The following TYW1 variants were observed in gnomAD, a reference collection of about 807,000 sequenced individuals.
TYW1 encodes the protein tRNA-yW synthesizing protein 1 homolog, also known as S-adenosyl-L-methionine-dependent tRNA 4-demethylwyosine synthase TYW1.
In TYW1, 46 loss-of-function variants were observed where a neutral mutation model predicts 96.2. The ratio of observed to expected loss-of-function variants is 0.48; its 90% CI spans 0.38 to 0.61. TYW1 has a LOEUF of 0.61. Ranked by LOEUF, TYW1 falls within the 20% of genes least tolerant of loss-of-function variation. TYW1 has a pLI of 0.00. For missense variants in TYW1, 684 were observed against 909.6 expected, an observed-to-expected ratio of 0.75 and a Z score of 3.19; for synonymous variants, 274 against 323.0, an observed-to-expected ratio of 0.85 and a Z score of 1.63.
At chr7:67,000,885 A>G (rs1460490758) in intron 3 of TYW1, among the ~76,000 whole-genome samples, 1 of 152,150 alleles carries the variant, frequency 6.6e-6, no homozygotes, top group African/African-American at 2.4e-5. Context: ...GCAGAATAGT[A>G]CTTCTTAGGT....
At chr7:67,191,609 A>G (rs1269856446) in intron 14 of TYW1, among the ~76,000 whole-genome samples, 2 of 146,700 alleles carry the variant, frequency 1.4e-5, no homozygotes, top group Non-Finnish European at 3.0e-5. Flanking sequence ...TATGAAGGGA[A>G]AGTTTTTTAG....
chr7:67,071,960 C>T (rs1260354087), intron 10 of TYW1, among the ~76,000 whole-genome samples: 1 of 150,672 alleles, frequency 6.6e-6, no homozygotes, highest in East Asian at 1.9e-4. Context: ...CCATTTACAA[C>T]TCTGCCTTAG....
In TYW1 at chr7:67,150,789, T is replaced by TC. The variant is rs1286104264; in HGVS notation, c.1699-32331dup. Among the ~76,000 whole-genome samples, 9 of 150,992 alleles carry TC rather than the reference T, an allele frequency of 6.0e-5. No homozygotes were observed. The East Asian group carries it at 1.7e-3, about 29-fold the overall frequency. On this transcript the variant is annotated intron_variant, in intron 13 of 15. Coordinates refer to ENST00000359626, the MANE Select transcript of TYW1 (RefSeq NM_018264.4). ...GTAAATACAGGCCTTGTCTTTTTTT[T>TC]CCCCCCTGTCTGACCCATGACTGAG...
chr7:67,176,368 A>G (rs931754800), intron 13 of TYW1, among the ~76,000 whole-genome samples: 8 of 152,172 alleles, frequency 5.3e-5, no homozygotes, highest in African/African-American at 1.9e-4. Context: ...GCTACATGTG[A>G]CCATTGAGTA....
intron 8 of TYW1, among the ~76,000 whole-genome samples, chr7:67,050,520 C>T (rs1250022213): frequency 6.6e-6 from 1 of 152,072 alleles, no homozygotes; most frequent in Non-Finnish European, 1.5e-5. Context: ...GACCTCCTTT[C>T]CTTCATCCCC....
At position 67,112,100 on chromosome 7, in the gene TYW1, CA is replaced by C. The variant is rs538839042; in HGVS notation, c.1563-5360del. Among the ~76,000 whole-genome samples, 233 of 94,806 alleles carry C rather than the reference CA, an allele frequency of 2.5e-3. 2 individuals carry two copies. Among genetic ancestry groups the C allele is most frequent in the African/African-American group, 3.8e-3 (101 of 26,730 alleles). The allele number at this position is 94,806 out of a possible 152,430, so 62.2% of individuals were successfully genotyped here. ...GGTGACAGAGCGAGACTCTGTCTGA[CA>C]AAAAAAAAAAAAAAAAAAAAAAGAA... On this transcript the variant is annotated intron_variant, in intron 12 of 15. Coordinates refer to ENST00000359626, the MANE Select transcript of TYW1 (RefSeq NM_018264.4).
chr7:67,150,883 T>G (rs1000869887), intron 13 of TYW1, among the ~76,000 whole-genome samples: 1 of 151,862 alleles, frequency 6.6e-6, no homozygotes, highest in African/African-American at 2.4e-5. Context: ...TAAAAACCTG[T>G]GGGTAAATTT....
At chr7:67,073,812 G>C (rs977423734) in intron 10 of TYW1, among the ~76,000 whole-genome samples, 5 of 146,950 alleles carry the variant, frequency 3.4e-5, no homozygotes, top group Admixed American at 2.7e-4. Flanking sequence ...GCCAGGCGCG[G>C]TTGCTCACGC....
At chr7:67,069,856 G>A (rs1441642399) in intron 10 of TYW1, among the ~76,000 whole-genome samples, 1 of 152,096 alleles carries the variant, frequency 6.6e-6, no homozygotes, top group East Asian at 1.9e-4. Flanking sequence ...GTATGATATG[G>A]GTCTGTTTAG....
At chr7:67,018,825 G>A (rs1420110247) in intron 6 of TYW1, among the ~76,000 whole-genome samples, 6 of 151,446 alleles carry the variant, frequency 4.0e-5, no homozygotes, top group Admixed American at 1.3e-4. Flanking sequence ...GTGTGGTGGC[G>A]GGCACCTGTA....
At chr7:67,201,318 AC>A (rs1800592674) in intron 15 of TYW1, among the ~76,000 whole-genome samples, 1 of 116,452 alleles carries the variant, frequency 8.6e-6, no homozygotes, top group Non-Finnish European at 1.8e-5. Flanking sequence ...AACAACAACA[AC>A]AACAACAACA....
At position 66,998,884 on chromosome 7, in the gene TYW1, C is replaced by T; in HGVS notation, c.203C>T (p.Ser68Phe). ...GATTTGATGACAAATGGTTATGTCT[C>T]CCTTCAAGAGAAAGACATCTTTGTG... ...AQDLMTNGYVSLQEKDIFVSG... is the reference protein window; with the variant it reads ...AQDLMTNGYVFLQEKDIFVSG... The change falls in exon 3 of 16, where the codon TCC (serine) becomes TTC (phenylalanine). Residue 68 changes from serine (S) to phenylalanine (F), a missense_variant. Physicochemically the swap from Ser to Phe is radical, Grantham distance 155 (BLOSUM62 -2). Coordinates refer to ENST00000359626, the MANE Select transcript of TYW1 (RefSeq NM_018264.4). 6.2e-7 allele frequency: 1 copy of T among 1,614,030 alleles called. No homozygotes were observed. The highest frequency in any genetic ancestry group is 8.5e-7 in the Non-Finnish European group (1 of 1,179,938).
chr7:67,164,570 T>C (rs10155918), intron 13 of TYW1, among the ~76,000 whole-genome samples: 42,259 of 149,742 alleles, frequency 0.28, 6,419 homozygotes, highest in African/African-American at 0.4. Context: ...ATGATGGCAC[T>C]ATTGCATTCC....
intron 7 of TYW1, among the ~76,000 whole-genome samples, chr7:67,029,573 G>T (rs2129249794): frequency 6.6e-6 from 1 of 151,922 alleles, no homozygotes. Flanking sequence ...CAGGTTTAGG[G>T]CAGAGTCCTA....
intron 12 of TYW1, among the ~76,000 whole-genome samples, chr7:67,100,817 TCACG>T (rs1797061009): frequency 1.6e-5 from 2 of 124,328 alleles, no homozygotes; most frequent in South Asian, 5.1e-4. Flanking sequence ...TGAGCCAAGA[TCACG>T]CCACTGCACT....
intron 10 of TYW1, among the ~76,000 whole-genome samples, chr7:67,082,796 G>A (rs1796427887): frequency 6.6e-6 from 1 of 152,122 alleles, no homozygotes. Flanking sequence ...GGATATGGTT[G>A]TACTGCTAGG....
intron 12 of TYW1, among the ~76,000 whole-genome samples, chr7:67,114,158 G>A (rs1330906144): frequency 6.6e-6 from 1 of 152,090 alleles, no homozygotes; most frequent in Admixed American, 6.6e-5. Context: ...TCTTCCTCCT[G>A]AGCTATTTGG....
At chr7:67,130,236 T>C (rs1798025439) in intron 13 of TYW1, among the ~76,000 whole-genome samples, 2 of 151,440 alleles carry the variant, frequency 1.3e-5, no homozygotes, top group Admixed American at 1.3e-4. Flanking sequence ...CAAAAATCAG[T>C]TGGGTGTGGT....
At chr7:67,223,074 G>A (rs12155497) in intron 15 of TYW1, among the ~76,000 whole-genome samples, 40,654 of 151,690 alleles carry the variant, frequency 0.27, 5,800 homozygotes, top group African/African-American at 0.36. Flanking sequence ...TTGTTCATAT[G>A]TCCTTTTCTT....
Sources: gnomAD v4.1 joint callset for allele counts (sites outside exome capture counted in the v4.1 genomes callset) on GRCh38, gnomAD v4.1.1 for gene constraint, MANE v1.5 for transcripts, NCBI Gene and HGNC (gene_info 2026-07-23, HGNC 2026-07-21) for gene names.